CSF2RB: variants seen among roughly 807,000 people sequenced by gnomAD.
CSF2RB encodes cytokine receptor common subunit beta.
CSF2RB carries 22 observed loss-of-function variants against 67.2 expected under a neutral mutation model. The observed-to-expected ratio is 0.33, with a 90% CI of 0.23 to 0.47. The LOEUF is 0.47. Ranked by LOEUF, CSF2RB falls within the 20% of genes least tolerant of loss-of-function variation. The probability of loss-of-function intolerance (pLI) is 1.00; values close to 1 mark genes in which losing one functional copy is unlikely to be tolerated. For synonymous variants in CSF2RB, 507 were observed against 482.9 expected, an observed-to-expected ratio of 1.05 and a Z score of -0.65; for missense variants, 1,113 against 1,174.5, an observed-to-expected ratio of 0.95 and a Z score of 0.76.
intron 7 of CSF2RB, 60 bp downstream of exon 7, chr22:36,930,570 C>T: frequency 1.2e-6 from 2 of 1,611,616 alleles, no homozygotes; most frequent in Non-Finnish European, 1.7e-6. Context: ...TCCAAGCTTC[C>T]TCCTGTCCCT....
rs767382333 is a variant in CSF2RB at position 36,937,410 on chromosome 22, G to A, written c.1602G>A (p.Val534=). ...CTGTAGGATTCGGGGACAGCGAGGT[G>A]TCACCTCTCACCATAGAGGACCCCA... ...VFPVGFGDSE[V]SPLTIEDPKH... Residue 534 remains valine, a synonymous_variant, in exon 14 of 14, where the codon GTG becomes GTA. Coordinates refer to ENST00000403662, the MANE Select transcript of CSF2RB (RefSeq NM_000395.3). The surrounding 1 kb of genome is among the most constrained non-coding windows in gnomAD (Gnocchi z 4.6). 3.7e-5 allele frequency: 59 copies of A among 1,613,814 alleles called. No homozygotes were observed. In the Middle Eastern group the frequency reaches 1.2e-3, roughly 31 times the overall value.
rs1941294276 is a variant in CSF2RB, at chr22:36,937,524, C to A, written c.1716C>A (p.Gly572=). The A allele has an allele frequency of 1.9e-6, 3 of 1,613,776 alleles. No individual in the cohort carries two copies. Among genetic ancestry groups the A allele is most frequent in the Non-Finnish European group, 2.5e-6 (3 of 1,179,936 alleles). The stretch of plus-strand genomic sequence containing the variant: ...AGCAGCCCCCCAGCCCCCAGCCAGG[C>A]CCGCCTGCCGCCTCCCACACACCTG... ...PTEQPPSPQP[G]PPAASHTPEK... is the part of the protein sequence containing the mutation. Residue 572 remains glycine (G), a synonymous_variant, in exon 14 of 14, where the codon GGC becomes GGA. Coordinates refer to ENST00000403662, the MANE Select transcript of CSF2RB (RefSeq NM_000395.3). This position sits in a 1 kb window ranked among gnomAD's most constrained non-coding sequence, Gnocchi z 4.6.
chr22:36,917,419 C>T (rs1242463703), intron 1 of CSF2RB, among the ~76,000 whole-genome samples: 1 of 152,106 alleles, frequency 6.6e-6, no homozygotes, highest in African/African-American at 2.4e-5. Flanking sequence ...AATGTTTATC[C>T]CTGCCATTCA....
chr22:36,929,848 G>A (rs747844086), intron 6 of CSF2RB, 41 bp downstream of exon 6: 8 of 1,598,696 alleles, frequency 5.0e-6, no homozygotes, highest in East Asian at 4.6e-5. Context: ...GTGGTGGGAG[G>A]GCAGGCTCAT....
intron 9 of CSF2RB, among the ~76,000 whole-genome samples, chr22:36,933,571 G>A (rs1941204320): frequency 6.6e-6 from 1 of 152,228 alleles, no homozygotes. Context: ...AAAATAGGGT[G>A]GGACAGGTGG....
At position 36,932,835 on chromosome 22, in the gene CSF2RB, G is replaced by A. The variant is rs866155551; in HGVS notation, c.1083G>A (p.Met361Ile). ...GCTACAGCCTGCGCTGGGAAACAATGAAAATGCGATACGAACACATAGACC... is the reference window on the plus strand; with the variant it reads ...GCTACAGCCTGCGCTGGGAAACAATAAAAATGCGATACGAACACATAGACC... ...GDSYSLRWET[M>I]KMRYEHIDHT... Residue 361 changes from methionine to isoleucine, a missense_variant, in exon 9 of 14, where the codon ATG becomes ATA. By Grantham distance (10) the Met-to-Ile change is conservative. This residue lies in a region of CSF2RB where 559 missense variants were observed against 656.5 expected (regional missense o/e 0.85). Transcript: ENST00000403662. The A allele has an allele frequency of 1.2e-6, 2 of 1,614,172 alleles. No homozygotes were observed. Among genetic ancestry groups the A allele is most frequent in the African/African-American group, 1.3e-5 (1 of 75,056 alleles).
intron 2 of CSF2RB, 74 bp from the exon 3 acceptor site, chr22:36,923,170 A>G: frequency 1.2e-6 from 2 of 1,612,070 alleles, no homozygotes; most frequent in Non-Finnish European, 1.7e-6. Flanking sequence ...GGGACATCCC[A>G]AAGCAGCTGG....
chr22:36,914,403 CT>C (rs1940671304), intron 1 of CSF2RB, among the ~76,000 whole-genome samples: 3 of 152,086 alleles, frequency 2.0e-5, no homozygotes, highest in East Asian at 3.9e-4. Flanking sequence ...CTCTCTCTCT[CT>C]CTCTCTCTCT....
chr22:36,933,949 A>T lies in CSF2RB; in HGVS notation c.1270A>T (p.Ile424Phe). Residue 424 changes from isoleucine to phenylalanine, a missense_variant, in exon 10 of 14, where the codon ATC (isoleucine) becomes TTC (phenylalanine). Transcript: ENST00000403662. ...VRTSRTGYNG[I>F]WSEWSEARSW... ...GACCTCCCGCACCGGCTACAACGGG[A>T]TCTGGAGCGAGTGGAGTGAGGCGCG... 1 of 1,612,888 alleles carries T rather than the reference A, an allele frequency of 6.2e-7. No individual in the cohort carries two copies. The highest frequency in any genetic ancestry group is 1.3e-5 in the African/African-American group (1 of 75,002).
At position 36,937,032 on chromosome 22, in the gene CSF2RB, A is replaced by G. The variant is rs186980044; in HGVS notation, c.1569-345A>G. Among the ~76,000 whole-genome samples, 512 of 152,232 alleles carry G rather than the reference A, an allele frequency of 3.4e-3. 2 individuals carry two copies. The highest frequency in any genetic ancestry group is 6.4e-3 in the Non-Finnish European group (432 of 67,994). The stretch of plus-strand genomic sequence containing the variant: ...GGGAGAAGGGGGTGGCATGGTTGAT[A>G]GAATGATGGAAGGGTTGCCCAGTGC... On this transcript the variant is annotated intron_variant, in intron 13 of 13. Coordinates refer to ENST00000403662, the MANE Select transcript of CSF2RB (RefSeq NM_000395.3). This position sits in a 1 kb window ranked among gnomAD's most constrained non-coding sequence, Gnocchi z 4.6.
intron 9 of CSF2RB, among the ~76,000 whole-genome samples, chr22:36,933,125 G>A (rs1429630924): frequency 6.6e-6 from 1 of 152,228 alleles, no homozygotes; most frequent in Admixed American, 6.5e-5. Flanking sequence ...CTTGGCCAAC[G>A]TGAACAGCTG....
intron 10 of CSF2RB, 84 bp downstream of exon 10, chr22:36,934,078 G>A (rs921426442): frequency 9.8e-5 from 151 of 1,544,500 alleles, no homozygotes; most frequent in Middle Eastern, 6.8e-4. Context: ...TGCAGCAGCC[G>A]TAGCAGGCCT....
chr22:36,914,681 C>G (rs1362440796), intron 1 of CSF2RB, among the ~76,000 whole-genome samples: 1 of 151,930 alleles, frequency 6.6e-6, no homozygotes, highest in African/African-American at 2.4e-5. Context: ...TTCAAAAACC[C>G]TGCTGTTATA....
chr22:36,914,708 T>C (rs1940679806), intron 1 of CSF2RB, among the ~76,000 whole-genome samples: 1 of 145,996 alleles, frequency 6.8e-6, no homozygotes, highest in South Asian at 2.2e-4. Flanking sequence ...TACAGCCCAA[T>C]TCTAATTTTT....
At chr22:36,933,187 G>A (rs1941192096) in intron 9 of CSF2RB, among the ~76,000 whole-genome samples, 1 of 152,258 alleles carries the variant, frequency 6.6e-6, no homozygotes, top group Non-Finnish European at 1.5e-5. Flanking sequence ...GGGGTTGAAA[G>A]GCCACTGGGA....
chr22:36,923,354 C>T lies in CSF2RB; in HGVS notation c.187C>T (p.Arg63Cys), dbSNP rs763415308. The T allele has an allele frequency of 1.9e-6, 3 of 1,613,838 alleles. No individual in the cohort carries two copies. The highest frequency in any genetic ancestry group is 1.7e-5 in the Admixed American group (1 of 60,006). Residue 63 changes from arginine (R) to cysteine (C), a missense_variant, in exon 3 of 14, where the codon CGC (arginine) becomes TGC (cysteine). Transcript: ENST00000403662. ...GCGGCTCGTCAACGTGACCCTCATTCGCCGGGTGAATGAGTGAGTGATGCT... is the reference window on the plus strand; with the variant it reads ...GCGGCTCGTCAACGTGACCCTCATTTGCCGGGTGAATGAGTGAGTGATGCT... ...AQRLVNVTLI[R>C]RVNEDLLEPV...
intron 8 of CSF2RB, among the ~76,000 whole-genome samples, chr22:36,932,502 C>A (rs575144658): frequency 6.6e-6 from 1 of 151,126 alleles, no homozygotes; most frequent in East Asian, 1.9e-4. Context: ...TTTATTTTTA[C>A]TGCAAAAAAT....
At chr22:36,918,458 T>G (rs534024640) in intron 1 of CSF2RB, among the ~76,000 whole-genome samples, 7 of 152,188 alleles carry the variant, frequency 4.6e-5, no homozygotes, top group Non-Finnish European at 7.4e-5. Flanking sequence ...CTCATATTCT[T>G]GCAAGACGAA....
Position 36,930,469 on chromosome 22 carries a change from G to C in CSF2RB, c.813G>C (p.Ser271=), listed in dbSNP as rs765298790. Reference sequence around the variant, plus strand: ...AGGTGAGGAAGGAGGTGGCCAGCTCGGTCTCCTTTGGCCTATTCTACAAGC... The same window carrying C: ...AGGTGAGGAAGGAGGTGGCCAGCTCCGTCTCCTTTGGCCTATTCTACAAGC... ...SWEVRKEVAS[S]VSFGLFYKPS... is the part of the protein sequence containing the mutation. Residue 271 remains serine, a synonymous_variant, in exon 7 of 14, where the codon TCG becomes TCC. Coordinates refer to ENST00000403662, the MANE Select transcript of CSF2RB (RefSeq NM_000395.3). 4.3e-6 allele frequency: 7 copies of C among 1,613,532 alleles called. No homozygotes were observed. The East Asian group carries it at 1.1e-4, about 26-fold the overall frequency.
Sources: gnomAD v4.1 joint callset for allele counts (sites outside exome capture counted in the v4.1 genomes callset) on GRCh38, gnomAD v4.1.1 for gene constraint, gnomAD v4.1.1 regional missense constraint, Gnocchi (gnomAD v3.1) non-coding constraint, MANE v1.5 for transcripts, NCBI Gene and HGNC (gene_info 2026-07-23, HGNC 2026-07-21) for gene names.